The following CDKAL1 variants were observed in gnomAD, a reference collection of about 807,000 sequenced individuals.
CDKAL1 encodes the protein threonylcarbamoyladenosine tRNA methylthiotransferase.
In CDKAL1, 32 loss-of-function variants were observed where a neutral mutation model predicts 68.2. The ratio of observed to expected loss-of-function variants is 0.47; its 90% confidence interval spans 0.35 to 0.63. CDKAL1 has a LOEUF of 0.63. Ranked by LOEUF, CDKAL1 falls within the 30% of genes least tolerant of loss-of-function variation. The pLI is 0.00. For synonymous variants in CDKAL1, 234 were observed against 244.3 expected, an observed-to-expected ratio of 0.96 and a Z score of 0.39; for missense variants, 606 against 696.7, an observed-to-expected ratio of 0.87 and a Z score of 1.47.
chr6:20,582,778 A>G (rs1364732375), intron 4 of CDKAL1, among the ~76,000 whole-genome samples: 2 of 152,222 alleles, frequency 1.3e-5, no homozygotes, highest in Admixed American at 6.5e-5. Flanking sequence ...CTTGTTTACA[A>G]TGAAATCCAA....
intron 4 of CDKAL1, among the ~76,000 whole-genome samples, chr6:20,568,075 C>T (rs1410094081): frequency 6.6e-6 from 1 of 152,074 alleles, no homozygotes. Context: ...ACGGGGGTTT[C>T]ACCGTGGTGG....
intron 13 of CDKAL1, among the ~76,000 whole-genome samples, chr6:21,153,557 G>A (rs182042652): frequency 3.2e-4 from 49 of 152,264 alleles, no homozygotes; most frequent in Middle Eastern, 3.4e-3. Context: ...TCTTAGGAAA[G>A]GAGCTGGCTT....
chr6:21,080,158 AG>A (rs1772308422), intron 12 of CDKAL1, among the ~76,000 whole-genome samples: 1 of 151,942 alleles, frequency 6.6e-6, no homozygotes, highest in South Asian at 2.1e-4. Context: ...GTAAAGAAAA[AG>A]GGGGTGCTAA....
intron 8 of CDKAL1, among the ~76,000 whole-genome samples, chr6:20,812,976 A>G (rs968096961): frequency 3.3e-5 from 5 of 152,200 alleles, no homozygotes; most frequent in Non-Finnish European, 5.9e-5. Flanking sequence ...CTTGGCACCA[A>G]CACCCAATAT....
intron 12 of CDKAL1, among the ~76,000 whole-genome samples, chr6:21,096,115 C>T (rs535091388): frequency 6.6e-6 from 1 of 152,262 alleles, no homozygotes; most frequent in Admixed American, 6.5e-5. Context: ...ATCATAAAAA[C>T]GAGTTGTGGG....
chr6:20,591,494 G>A (rs752115778), intron 4 of CDKAL1, among the ~76,000 whole-genome samples: 6 of 152,178 alleles, frequency 3.9e-5, no homozygotes, highest in Admixed American at 1.3e-4. Context: ...TAGGTCTTAC[G>A]TTTAAGTCTT....
chr6:21,228,659 C>G (rs1779842538), intron 15 of CDKAL1, among the ~76,000 whole-genome samples: 1 of 152,158 alleles, frequency 6.6e-6, no homozygotes, highest in Non-Finnish European at 1.5e-5. Flanking sequence ...TACTGAGTAC[C>G]TGCTCTGTGA....
chr6:21,201,015 C>T, intron 14 of CDKAL1, 95 bp from the exon 15 acceptor site: 2 of 1,146,282 alleles, frequency 1.7e-6, no homozygotes, highest in Non-Finnish European at 2.5e-6. Context: ...AGGAGCTCTC[C>T]ATACTATCTT....
chr6:20,794,605 C>CT (rs1366686383), intron 8 of CDKAL1, among the ~76,000 whole-genome samples: 12 of 152,112 alleles, frequency 7.9e-5, no homozygotes, highest in Non-Finnish European at 1.8e-4. Context: ...AATTAAAAAT[C>CT]TTTTTGGCAG....
rs574345983 is a variant in CDKAL1, at chr6:21,115,155, A to T, written c.1299+6692A>T. Among the ~76,000 whole-genome samples the T allele has an allele frequency of 3.3e-5, 5 of 152,360 alleles. No homozygotes were observed. In the East Asian group the frequency reaches 9.6e-4, roughly 29 times the overall value. ...CATTTCAGATGTCACTTACTGATTT[A>T]CATTTCTCTTTTAATCAGATTTGTC... On this transcript the variant is annotated intron_variant, in intron 13 of 15. Coordinates refer to ENST00000274695, the MANE Select transcript of CDKAL1 (RefSeq NM_017774.3).
chr6:20,694,478 G>A (rs987476061), intron 5 of CDKAL1, among the ~76,000 whole-genome samples: 2 of 152,114 alleles, frequency 1.3e-5, no homozygotes, highest in African/African-American at 4.8e-5. Flanking sequence ...GCGTAGAGAA[G>A]GTTCTACTCC....
intron 4 of CDKAL1, among the ~76,000 whole-genome samples, chr6:20,648,161 C>T (rs1348228040): frequency 3.4e-5 from 5 of 148,574 alleles, no homozygotes; most frequent in Admixed American, 2.7e-4. Context: ...AGTCTTGCTC[C>T]ATCGCACAGG....
chr6:20,839,648 C>A (rs1435575453), intron 8 of CDKAL1, among the ~76,000 whole-genome samples: 1 of 152,060 alleles, frequency 6.6e-6, no homozygotes, highest in Non-Finnish European at 1.5e-5. Context: ...TTACAGCTCT[C>A]GTCTCCAAGC....
intron 12 of CDKAL1, among the ~76,000 whole-genome samples, chr6:21,085,527 C>T (rs998075757): frequency 4.6e-5 from 7 of 152,152 alleles, no homozygotes; most frequent in East Asian, 1.9e-4. Flanking sequence ...GTGGGATGGT[C>T]GAGGTCACTG....
intron 9 of CDKAL1, among the ~76,000 whole-genome samples, chr6:20,888,769 G>C (rs1047934871): frequency 6.6e-6 from 1 of 151,902 alleles, no homozygotes; most frequent in Non-Finnish European, 1.5e-5. Flanking sequence ...CCAGTCTGTC[G>C]TTGTTGGACG....
chr6:20,813,622 C>T (rs1419877269), intron 8 of CDKAL1, among the ~76,000 whole-genome samples: 2 of 152,072 alleles, frequency 1.3e-5, no homozygotes, highest in Non-Finnish European at 2.9e-5. Context: ...TTAATTTTTC[C>T]ATGTTGTATG....
chr6:20,781,013 A>T, intron 7 of CDKAL1, 132 bp from the exon 8 acceptor site: 2 of 852,720 alleles, frequency 2.3e-6, no homozygotes, highest in Non-Finnish European at 3.5e-6. Context: ...AGTTTAAATG[A>T]TCACACTTCA....
At chr6:21,002,640 C>T (rs1767487366) in intron 11 of CDKAL1, among the ~76,000 whole-genome samples, 1 of 135,652 alleles carries the variant, frequency 7.4e-6, no homozygotes, top group African/African-American at 2.9e-5. Context: ...ACTGAGAAAA[C>T]TTCAGGTAAC....
chr6:20,644,570 C>T (rs1581884262), intron 4 of CDKAL1, among the ~76,000 whole-genome samples: 1 of 152,258 alleles, frequency 6.6e-6, no homozygotes, highest in East Asian at 1.9e-4. Flanking sequence ...GTCCCAGCTA[C>T]TCAGGAGGCT....
Sources: allele counts gnomAD v4.1 joint callset (sites outside exome capture counted in the v4.1 genomes callset), GRCh38; gene constraint gnomAD v4.1.1; transcripts MANE v1.5; gene names NCBI Gene and HGNC (gene_info 2026-07-23, HGNC 2026-07-21).